Variants in FAM83B observed in about 807,000 individuals in gnomAD.
The protein encoded by FAM83B is protein FAM83B.
A neutral mutation model predicts 38.8 loss-of-function variants in FAM83B; 26 were observed. That is an observed-to-expected ratio of 0.67 (90% CI 0.49 to 0.93). The LOEUF (loss-of-function observed/expected upper bound fraction) is 0.93. Ranked by LOEUF, FAM83B falls within the 40% of genes least tolerant of loss-of-function variation. The pLI, the probability that FAM83B is intolerant of heterozygous loss-of-function variation, is 0.00. For synonymous variants in FAM83B, 419 were observed against 423.1 expected, an observed-to-expected ratio of 0.99 and a Z score of 0.12; for missense variants, 1,237 against 1,197.3, an observed-to-expected ratio of 1.03 and a Z score of -0.49.
chr6:54,901,122 G>C (rs1772651653), intron 2 of FAM83B, among the ~76,000 whole-genome samples: 1 of 152,110 alleles, frequency 6.6e-6, no homozygotes. Flanking sequence ...TTCTTGAACA[G>C]ACTAAAACAA....
intron 4 of FAM83B, among the ~76,000 whole-genome samples, chr6:54,933,041 C>G (rs1773457238): frequency 6.6e-6 from 1 of 152,050 alleles, no homozygotes; most frequent in African/African-American, 2.4e-5. Flanking sequence ...AATAAGTTAT[C>G]TGCTTCTTTG....
chr6:54,909,280 C>A (rs553392712), intron 2 of FAM83B, among the ~76,000 whole-genome samples: 1 of 152,216 alleles, frequency 6.6e-6, no homozygotes, highest in African/African-American at 2.4e-5. Flanking sequence ...TACCTAGAAC[C>A]AGAAGACCAG....
intron 4 of FAM83B, among the ~76,000 whole-genome samples, chr6:54,935,899 T>C (rs1773514773): frequency 1.3e-5 from 2 of 151,978 alleles, no homozygotes; most frequent in Admixed American, 6.6e-5. Context: ...GATGGCTGAG[T>C]CACTCACTTA....
At chr6:54,904,313 A>C (rs568894597) in intron 2 of FAM83B, among the ~76,000 whole-genome samples, 2 of 152,318 alleles carry the variant, frequency 1.3e-5, no homozygotes, top group Admixed American at 6.5e-5. Flanking sequence ...CTTCTTCAAA[A>C]GCAGCCAGTA....
At chr6:54,931,070 A>G (rs762830291) in intron 4 of FAM83B, among the ~76,000 whole-genome samples, 1 of 152,108 alleles carries the variant, frequency 6.6e-6, no homozygotes, top group African/African-American at 2.4e-5. Context: ...TGGCTACTCA[A>G]AACTGTGTTG....
chr6:54,887,647 T>C (rs150987140), intron 2 of FAM83B, among the ~76,000 whole-genome samples: 1 of 152,158 alleles, frequency 6.6e-6, no homozygotes, highest in East Asian at 1.9e-4. Flanking sequence ...TAGAAATTTC[T>C]TTTGTTTTGA....
intron 2 of FAM83B, among the ~76,000 whole-genome samples, chr6:54,889,057 G>C (rs1772344291): frequency 6.6e-6 from 1 of 151,916 alleles, no homozygotes; most frequent in African/African-American, 2.4e-5. Context: ...AAACCCATCT[G>C]TTGAGTTTTA....
At chr6:54,932,007 C>CTTTTTTTT (rs377085448) in intron 4 of FAM83B, among the ~76,000 whole-genome samples, 4 of 89,200 alleles carry the variant, frequency 4.5e-5, no homozygotes, top group Non-Finnish European at 6.0e-5. Context: ...TTACATAAAA[C>CTTTTTTTT]TTTTTTTTTT....
intron 2 of FAM83B, among the ~76,000 whole-genome samples, chr6:54,904,447 ACTTT>A (rs1450673262): frequency 6.6e-6 from 1 of 152,050 alleles, no homozygotes; most frequent in Non-Finnish European, 1.5e-5. Flanking sequence ...GCCTCCCCCT[ACTTT>A]CTAAGACAAT....
chr6:54,870,822 A>G (rs958934315), intron 2 of FAM83B, 132 bp downstream of exon 2: 5 of 831,104 alleles, frequency 6.0e-6, no homozygotes, highest in Non-Finnish European at 9.1e-6. Context: ...TTAGGAAAGT[A>G]CCTATGGATA....
intron 2 of FAM83B, among the ~76,000 whole-genome samples, chr6:54,914,086 A>T (rs1162986425): frequency 2.0e-5 from 3 of 152,002 alleles, no homozygotes; most frequent in Non-Finnish European, 4.4e-5. Flanking sequence ...CATTTTGTTG[A>T]TATGTCTCTT....
intron 2 of FAM83B, among the ~76,000 whole-genome samples, chr6:54,879,976 A>C (rs1218568751): frequency 6.6e-6 from 1 of 152,218 alleles, no homozygotes; most frequent in Non-Finnish European, 1.5e-5. Context: ...AATCTTAAGG[A>C]AAGTCCTTTT....
intron 2 of FAM83B, among the ~76,000 whole-genome samples, chr6:54,910,857 T>C (rs1772891407): frequency 6.7e-6 from 1 of 148,346 alleles, no homozygotes; most frequent in Admixed American, 7.1e-5. Context: ...ACTACATTCT[T>C]TATACTGCTT....
At chr6:54,889,448 G>A (rs554957373) in intron 2 of FAM83B, among the ~76,000 whole-genome samples, 5 of 152,064 alleles carry the variant, frequency 3.3e-5, no homozygotes, top group South Asian at 2.1e-4. Context: ...TAACACTACC[G>A]CAGAGTATTG....
At chr6:54,920,575 A>G (rs1773144951) in intron 2 of FAM83B, among the ~76,000 whole-genome samples, 1 of 151,930 alleles carries the variant, frequency 6.6e-6, no homozygotes, top group South Asian at 2.1e-4. Flanking sequence ...AAAGGGAAAA[A>G]CAATGTAGGT....
At chr6:54,893,724 TA>T (rs1772456505) in intron 2 of FAM83B, among the ~76,000 whole-genome samples, 1 of 152,188 alleles carries the variant, frequency 6.6e-6, no homozygotes, top group African/African-American at 2.4e-5. Flanking sequence ...AGCATAGATA[TA>T]TATAGATAGA....
chr6:54,912,224 G>A (rs1251780539), intron 2 of FAM83B, among the ~76,000 whole-genome samples: 1 of 151,954 alleles, frequency 6.6e-6, no homozygotes, highest in East Asian at 1.9e-4. Context: ...TTGGTTTAAT[G>A]TAATGAAAAT....
chr6:54,867,551 G>T (rs769767320), intron 1 of FAM83B, among the ~76,000 whole-genome samples: 1 of 151,974 alleles, frequency 6.6e-6, no homozygotes, highest in Non-Finnish European at 1.5e-5. Flanking sequence ...ATATTTTTCT[G>T]TGTGGTATCT....
At chr6:54,868,496 A>G (rs1358143528) in intron 1 of FAM83B, among the ~76,000 whole-genome samples, 1 of 152,202 alleles carries the variant, frequency 6.6e-6, no homozygotes, top group Non-Finnish European at 1.5e-5. Flanking sequence ...ATACATGTCA[A>G]TAGATTAATT....
Sources: allele counts gnomAD v4.1 joint callset (sites outside exome capture counted in the v4.1 genomes callset), GRCh38; gene constraint gnomAD v4.1.1; transcripts MANE v1.5; gene names NCBI Gene and HGNC (gene_info 2026-07-23, HGNC 2026-07-21).